Variants in PLCD4 observed in about 807,000 individuals in gnomAD.
PLCD4 encodes 1-phosphatidylinositol 4,5-bisphosphate phosphodiesterase delta-4.
Under a neutral mutation model 90.2 loss-of-function variants are expected in PLCD4, and 63 were observed. That is an observed-to-expected ratio of 0.70 (90% CI 0.57 to 0.86). The LOEUF (loss-of-function observed/expected upper bound fraction) is 0.86. Among genes scored for constraint, PLCD4 ranks in the 40% least tolerant of loss-of-function variants. The pLI, the probability that PLCD4 is intolerant of heterozygous loss-of-function variation, is 0.00. For missense variants in PLCD4, 830 were observed against 956.3 expected, an observed-to-expected ratio of 0.87 and a Z score of 1.74; for synonymous variants, 294 against 356.5, an observed-to-expected ratio of 0.82 and a Z score of 1.97.
chr2:218,627,848 A>C (rs994957477), intron 6 of PLCD4, among the ~76,000 whole-genome samples, 181 bp from the exon 7 acceptor site: 2 of 152,052 alleles, frequency 1.3e-5, no homozygotes, highest in Non-Finnish European at 2.9e-5. Flanking sequence ...ACATTCTTTG[A>C]GGGTGGGAAT....
Position 218,635,867 on chromosome 2 carries a change from A to C in PLCD4, c.1968A>C (p.Lys656Asn), listed in dbSNP as rs1696704681. ...KEGSIVDPLV[K>N]VQIFGVRLDT... Reference sequence around the variant, plus strand: ...GGTCCATTGTGGATCCACTGGTGAAAGTGCAGATCTTTGGCGTTCGTCTAG... The same window carrying C: ...GGTCCATTGTGGATCCACTGGTGAACGTGCAGATCTTTGGCGTTCGTCTAG... Residue 656 changes from lysine to asparagine, a missense_variant, in exon 14 of 16, where the codon AAA becomes AAC. By Grantham distance (94) the Lys-to-Asn change is moderately conservative. Coordinates refer to ENST00000450993, the MANE Select transcript of PLCD4 (RefSeq NM_032726.4). 1 of 1,613,880 alleles carries C rather than the reference A, an allele frequency of 6.2e-7. No homozygotes were observed. Among genetic ancestry groups the C allele is most frequent in the Non-Finnish European group, 8.5e-7 (1 of 1,179,900 alleles).
chr2:218,623,023 C>T (rs1695954793), intron 6 of PLCD4, 145 bp downstream of exon 6: 2 of 714,746 alleles, frequency 2.8e-6, no homozygotes, highest in Non-Finnish European at 4.6e-6. Flanking sequence ...CTCATTTAAC[C>T]ACTCCTCCCA....
Position 218,635,889 on chromosome 2 carries a change from C to G in PLCD4, c.1990C>G (p.Leu664Val). The change falls in exon 14 of 16, where the codon CTA becomes GTA. Residue 664 changes from leucine to valine, a missense_variant. Leu to Val is a conservative substitution (Grantham distance 32, BLOSUM62 1). Transcript: ENST00000450993. ...GAAAGTGCAGATCTTTGGCGTTCGT[C>G]TAGACACAGCACGGCAGGAGACCAA... ...LVKVQIFGVR[L>V]DTARQETNYV... 2 of 1,613,966 alleles carry G rather than the reference C, an allele frequency of 1.2e-6. No individual in the cohort carries two copies.
At chr2:218,631,500 C>T (rs947123708) in intron 9 of PLCD4, among the ~76,000 whole-genome samples, 4 of 146,874 alleles carry the variant, frequency 2.7e-5, no homozygotes, top group Admixed American at 6.6e-5. Flanking sequence ...GGCTTTCCCA[C>T]GGTAAGATTA....
In PLCD4 at chr2:218,615,886, C is replaced by A; in HGVS notation, c.23-18C>A. 1 of 1,613,268 alleles carries A rather than the reference C, an allele frequency of 6.2e-7. No homozygotes were observed. The highest frequency in any genetic ancestry group is 8.5e-7 in the Non-Finnish European group (1 of 1,179,246). On this transcript the variant is annotated intron_variant, in intron 2 of 15. Coordinates refer to ENST00000450993, the MANE Select transcript of PLCD4 (RefSeq NM_032726.4). ...ACCCTCTCTGCTGGCTACCTAACCC[C>A]TGCTTTTCCTGACCTAGAGCTGACC... is the stretch of plus-strand genomic sequence containing the variant.
intron 7 of PLCD4, chr2:218,628,911 A>G (rs1427527817): frequency 7.8e-5 from 12 of 154,140 alleles, no homozygotes; most frequent in Admixed American, 7.6e-4. Context: ...AGGATGTTGT[A>G]TAGGGATATA....
Position 218,622,694 on chromosome 2 carries a change from A to C in PLCD4, c.588A>C (p.Val196=). The C allele has an allele frequency of 6.2e-7, 1 of 1,614,014 alleles. No homozygotes were observed. The highest frequency in any genetic ancestry group is 8.5e-7 in the Non-Finnish European group (1 of 1,179,896). ...GAACCCTGGAAGGAGAAGAATTCGT[A>C]CAGTTCTATAAGGCATTGACTAAAC... ...QSGTLEGEEF[V]QFYKALTKRA... is the part of the protein sequence containing the mutation. Residue 196 remains valine (V), a synonymous_variant, in exon 6 of 16, where the codon GTA becomes GTC. Transcript: ENST00000450993.
intron 1 of PLCD4, among the ~76,000 whole-genome samples, chr2:218,614,210 G>A (rs1025574410): frequency 1.1e-4 from 16 of 151,786 alleles, no homozygotes; most frequent in African/African-American, 3.4e-4. Flanking sequence ...TAGTAGAGAC[G>A]GGGTTTCACT....
At position 218,629,526 on chromosome 2, in the gene PLCD4, A is replaced by C. The variant is rs1696263661; in HGVS notation, c.982A>C (p.Lys328Gln). 6.2e-7 allele frequency: 1 copy of C among 1,613,394 alleles called. No individual in the cohort carries two copies. Among genetic ancestry groups the C allele is most frequent in the African/African-American group, 1.3e-5 (1 of 74,916 alleles). Reference protein sequence around the residue: ...SSVEGYIRALKRGCRCVEVDV... With the variant: ...SSVEGYIRALQRGCRCVEVDV... ...GGGATGGGGTTCTTTCAGGGCCCTG[A>C]AGCGGGGGTGCCGCTGCGTGGAGGT... The change falls in exon 8 of 16, where the codon AAG (lysine) becomes CAG (glutamine). Residue 328 changes from lysine to glutamine, a missense_variant. Lys to Gln is a moderately conservative substitution (Grantham distance 53, BLOSUM62 1). Transcript: ENST00000450993.
chr2:218,608,696 A>G (rs977103141), intron 1 of PLCD4, among the ~76,000 whole-genome samples: 3 of 152,200 alleles, frequency 2.0e-5, no homozygotes, highest in African/African-American at 7.2e-5. Context: ...TTGCCTGTGT[A>G]CCAAGTGTAC....
chr2:218,625,717 T>C (rs1334521380), intron 6 of PLCD4, among the ~76,000 whole-genome samples: 3 of 152,200 alleles, frequency 2.0e-5, no homozygotes. Context: ...GCGGATCACT[T>C]AAGTTCAGGA....
chr2:218,636,150 T>C (rs1262350033), intron 14 of PLCD4, 93 bp from the exon 15 acceptor site: 9 of 1,436,900 alleles, frequency 6.3e-6, no homozygotes, highest in African/African-American at 2.8e-5. Context: ...AAAATGCTGA[T>C]TGCCATCTAG....
intron 3 of PLCD4, 131 bp downstream of exon 3, chr2:218,616,193 T>A: frequency 2.0e-6 from 2 of 1,008,160 alleles, no homozygotes; most frequent in African/African-American, 1.6e-5. Flanking sequence ...TCTGAGCCTG[T>A]AAAAGGAGAT....
In PLCD4 at chr2:218,618,819, A is replaced by T. The variant is rs1156674368; in HGVS notation, c.410+12A>T. 1.3e-5 allele frequency: 20 copies of T among 1,568,722 alleles called. No homozygotes were observed. Among genetic ancestry groups the T allele is most frequent in the Non-Finnish European group, 1.5e-5 (17 of 1,156,162 alleles). On this transcript the variant is annotated intron_variant, in intron 4 of 15. Coordinates refer to ENST00000450993, the MANE Select transcript of PLCD4 (RefSeq NM_032726.4). Reference sequence around the variant, plus strand: ...GAGCGCCTGGACCAGTATCGGCAGGATGGAGTCAGGGTGGGGGTGAGGGAT... The same window carrying T: ...GAGCGCCTGGACCAGTATCGGCAGGTTGGAGTCAGGGTGGGGGTGAGGGAT...
Position 218,622,802 on chromosome 2 carries a change from A to G in PLCD4, c.696A>G (p.Gln232=), listed in dbSNP as rs1201297253. 7 of 1,614,024 alleles carry G rather than the reference A, an allele frequency of 4.3e-6. No homozygotes were observed. Among genetic ancestry groups the G allele is most frequent in the African/African-American group, 1.3e-5 (1 of 75,042 alleles). ...LTLLEFLDFL[Q]EEQKERDCTS... ...TGCTGGAATTTTTGGATTTCCTCCA[A>G]GAGGAGCAGAAGGAGAGAGACTGCA... Residue 232 remains glutamine (Q), a synonymous_variant, in exon 6 of 16, where the codon CAA becomes CAG. Transcript: ENST00000450993.
intron 9 of PLCD4, 88 bp from the exon 10 acceptor site, chr2:218,632,048 C>G: frequency 7.1e-7 from 1 of 1,402,462 alleles, no homozygotes; most frequent in Non-Finnish European, 9.5e-7. Flanking sequence ...CTCACTTCCT[C>G]TGCCTTTGAG....
At chr2:218,624,956 C>CA (rs1266790528) in intron 6 of PLCD4, among the ~76,000 whole-genome samples, 1 of 150,670 alleles carries the variant, frequency 6.6e-6, no homozygotes, top group Admixed American at 6.6e-5. Flanking sequence ...ACTAAAAACA[C>CA]AAAAAATTAG....
chr2:218,630,233 T>G (rs1002779050), intron 8 of PLCD4, among the ~76,000 whole-genome samples: 2 of 152,174 alleles, frequency 1.3e-5, no homozygotes, highest in Non-Finnish European at 1.5e-5. Flanking sequence ...ATCACCCTTC[T>G]GGAAGAGGTG....
intron 3 of PLCD4, among the ~76,000 whole-genome samples, chr2:218,616,316 CTTG>C (rs1695576312): frequency 6.6e-6 from 1 of 152,184 alleles, no homozygotes; most frequent in South Asian, 2.1e-4. Context: ...TTGGTTACAT[CTTG>C]TTGTTATTAT....
Sources: allele counts gnomAD v4.1 joint callset (sites outside exome capture counted in the v4.1 genomes callset), GRCh38; gene constraint gnomAD v4.1.1; transcripts MANE v1.5; gene names NCBI Gene and HGNC (gene_info 2026-07-23, HGNC 2026-07-21).